Variants in FOXN2 observed in about 807,000 individuals in gnomAD.
The protein encoded by FOXN2 is forkhead box N2.
A neutral mutation model predicts 41.2 loss-of-function variants in FOXN2; 19 were observed. The observed-to-expected ratio is 0.46, with a 90% CI of 0.32 to 0.68. The LOEUF (loss-of-function observed/expected upper bound fraction) is 0.68. Ranked by LOEUF, FOXN2 falls within the 30% of genes least tolerant of loss-of-function variation. The pLI is 0.03. For missense variants in FOXN2, 587 were observed against 509.4 expected (o/e 1.15, Z -1.47); for synonymous variants, 195 against 176.8 (o/e 1.10, Z -0.82).
In FOXN2 at chr2:48,377,232, A is replaced by G. The variant is rs1673310924; in HGVS notation, c.*1789A>G. Reference sequence around the variant, plus strand: ...TGAGGTATTTGGGTTTTTTTTTTAGATCGATCACATCTACAGAAAATGGCT... The same window carrying G: ...TGAGGTATTTGGGTTTTTTTTTTAGGTCGATCACATCTACAGAAAATGGCT... On this transcript the variant is annotated 3_prime_UTR_variant, in exon 7 of 7. Transcript: ENST00000340553. 1 of 151,740 alleles carries G rather than the reference A, an allele frequency of 6.6e-6. No individual in the cohort carries two copies. Among genetic ancestry groups the G allele is most frequent in the South Asian group, 2.1e-4 (1 of 4,834 alleles). 9.4% of individuals were successfully genotyped at this position (151,740 alleles called of 1,614,324 possible).
At chr2:48,347,830 G>A (rs1671213467) in intron 3 of FOXN2, among the ~76,000 whole-genome samples, 1 of 152,044 alleles carries the variant, frequency 6.6e-6, no homozygotes, top group South Asian at 2.1e-4. Flanking sequence ...GTGGGGTGCA[G>A]GTTTAGAATT....
chr2:48,361,042 A>G (rs1415821149), intron 4 of FOXN2, among the ~76,000 whole-genome samples: 1 of 151,730 alleles, frequency 6.6e-6, no homozygotes, highest in African/African-American at 2.4e-5. Flanking sequence ...ATATGAAAGA[A>G]TTGGCACCAT....
chr2:48,362,382 A>G (rs750310079), intron 4 of FOXN2, among the ~76,000 whole-genome samples: 8 of 152,124 alleles, frequency 5.3e-5, no homozygotes, highest in Non-Finnish European at 1.0e-4. Flanking sequence ...CTTGTACAAC[A>G]TGGTAAAACC....
intron 1 of FOXN2, among the ~76,000 whole-genome samples, chr2:48,318,276 C>G (rs569551425): frequency 6.6e-6 from 1 of 151,684 alleles, no homozygotes; most frequent in African/African-American, 2.4e-5. Context: ...TTTTTTTGTT[C>G]CAGAATTTCA....
chr2:48,348,063 G>A (rs1436566746), intron 3 of FOXN2, among the ~76,000 whole-genome samples: 1 of 150,230 alleles, frequency 6.7e-6, no homozygotes, highest in Non-Finnish European at 1.5e-5. Flanking sequence ...ATCTTGCTTT[G>A]GGTTCTCAGT....
intron 1 of FOXN2, among the ~76,000 whole-genome samples, chr2:48,322,884 T>C (rs548584844): frequency 8.0e-4 from 120 of 150,582 alleles, no homozygotes; most frequent in African/African-American, 2.8e-3. Context: ...TTATTGTTTA[T>C]AGGGATGTTA....
chr2:48,318,222 A>C (rs561815308), intron 1 of FOXN2, among the ~76,000 whole-genome samples: 2 of 152,220 alleles, frequency 1.3e-5, no homozygotes, highest in African/African-American at 4.8e-5. Flanking sequence ...AGTACTATTA[A>C]CTACATACTT....
Position 48,346,329 on chromosome 2 carries a change from G to A in FOXN2, c.115G>A (p.Ala39Thr), listed in dbSNP as rs1347331003. ...KMGSLPEAVD[A>T]ARPKATLVDS... ...GGGAAGCTTGCCTGAAGCTGTTGAT[G>A]CTGCCAGGCCGAAGGCCACTCTAGT... Residue 39 changes from alanine to threonine, a missense_variant, in exon 3 of 7, where the codon GCT (alanine) becomes ACT (threonine). Coordinates refer to ENST00000340553, the MANE Select transcript of FOXN2 (RefSeq NM_002158.4). The A allele has an allele frequency of 6.2e-7, 1 of 1,614,218 alleles. No individual in the cohort carries two copies. The highest frequency in any genetic ancestry group is 2.2e-5 in the East Asian group (1 of 44,884).
rs997521282 is a variant in FOXN2, at chr2:48,337,117, T to C, written c.-15+8415T>C. Among the ~76,000 whole-genome samples the C allele has an allele frequency of 3.3e-5, 5 of 151,870 alleles. No homozygotes were observed. In the South Asian group the frequency reaches 6.3e-4, roughly 19 times the overall value. On this transcript the variant is annotated intron_variant, in intron 2 of 6. Transcript: ENST00000340553. ...TCCCTCCCACTAATCCTCCACTACC[T>C]TTCCCAGCCTCTAGTAACTATCCTT...
chr2:48,331,463 A>G (rs915733996), intron 2 of FOXN2, among the ~76,000 whole-genome samples: 3 of 152,220 alleles, frequency 2.0e-5, no homozygotes, highest in Non-Finnish European at 4.4e-5. Flanking sequence ...AACCAAGTTA[A>G]TTGCAGCTAT....
At chr2:48,372,049 A>G (rs970994894) in intron 5 of FOXN2, among the ~76,000 whole-genome samples, 5 of 152,140 alleles carry the variant, frequency 3.3e-5, no homozygotes, top group Non-Finnish European at 5.9e-5. Context: ...TGCTCTGGCT[A>G]GGGCTTCCAG....
chr2:48,318,119 T>C (rs1669056341), intron 1 of FOXN2, among the ~76,000 whole-genome samples: 2 of 152,244 alleles, frequency 1.3e-5, no homozygotes, highest in South Asian at 4.1e-4. Context: ...AGTTGCAAGC[T>C]AGTATACAGA....
intron 2 of FOXN2, among the ~76,000 whole-genome samples, chr2:48,336,364 T>C (rs1186448761): frequency 2.0e-5 from 3 of 148,994 alleles, no homozygotes; most frequent in African/African-American, 2.5e-5. Context: ...GCTGAGATTG[T>C]GCCACTGCAC....
intron 2 of FOXN2, among the ~76,000 whole-genome samples, chr2:48,336,921 T>G (rs905675786): frequency 6.6e-5 from 10 of 152,056 alleles, no homozygotes; most frequent in African/African-American, 2.4e-4. Flanking sequence ...AAATGGGGTA[T>G]CCATCATTTC....
At chr2:48,346,812 C>T in intron 3 of FOXN2, 61 bp downstream of exon 3, 1 of 1,364,006 alleles carries the variant, frequency 7.3e-7, no homozygotes, top group South Asian at 1.6e-5. Flanking sequence ...ACATGGAGCC[C>T]TTAAAATATC....
At chr2:48,367,404 G>T (rs1672604629) in intron 5 of FOXN2, among the ~76,000 whole-genome samples, 1 of 152,108 alleles carries the variant, frequency 6.6e-6, no homozygotes. Context: ...ATAAAATTAA[G>T]GTAGTTGATG....
Position 48,378,947 on chromosome 2 carries a change from G to A in FOXN2, c.*3504G>A, listed in dbSNP as rs959849375. 3.9e-5 allele frequency: 6 copies of A among 152,588 alleles called. No individual in the cohort carries two copies. The highest frequency in any genetic ancestry group is 9.6e-5 in the African/African-American group (4 of 41,534). The allele number at this position is 152,588 out of a possible 1,614,324, so 9.5% of individuals were successfully genotyped here. Reference sequence around the variant, plus strand: ...AAGTATTATGTTGCCATCATATAGTGTATAAAAATGTATAATTGCCAATTG... The same window carrying A: ...AAGTATTATGTTGCCATCATATAGTATATAAAAATGTATAATTGCCAATTG... On this transcript the variant is annotated 3_prime_UTR_variant, in exon 7 of 7. Transcript: ENST00000340553.
In FOXN2 at chr2:48,375,036, G is replaced by A; in HGVS notation, c.889G>A (p.Asp297Asn). Residue 297 changes from aspartate to asparagine, a missense_variant, in exon 7 of 7, where the codon GAT (aspartate) becomes AAT (asparagine). Asp to Asn is a conservative substitution (Grantham distance 23). Transcript: ENST00000340553. ...GAGTGATTCTTTAGCCACCAGCATT[G>A]ATCCAAAAGAAGATCACAATTACAG... ...QESDSLATSI[D>N]PKEDHNYSAS... 3.7e-6 allele frequency: 6 copies of A among 1,614,070 alleles called. No individual in the cohort carries two copies. Among genetic ancestry groups the A allele is most frequent in the Non-Finnish European group, 5.1e-6 (6 of 1,179,980 alleles).
chr2:48,368,932 T>G (rs528020369), intron 5 of FOXN2, among the ~76,000 whole-genome samples: 1 of 152,212 alleles, frequency 6.6e-6, no homozygotes, highest in Admixed American at 6.5e-5. Context: ...AGCACACTTA[T>G]AAATGTTTTA....
Sources: allele counts gnomAD v4.1 joint callset (sites outside exome capture counted in the v4.1 genomes callset), GRCh38; gene constraint gnomAD v4.1.1; transcripts MANE v1.5; gene names NCBI Gene and HGNC (gene_info 2026-07-23, HGNC 2026-07-21).